SHISA6: variants seen among roughly 807,000 people sequenced by gnomAD.
SHISA6 encodes protein shisa-6.
In SHISA6, 22 loss-of-function variants were observed where a neutral mutation model predicts 47.9. The ratio of observed to expected loss-of-function variants is 0.46; its 90% CI spans 0.33 to 0.66. SHISA6 has a LOEUF of 0.66. Among genes scored for constraint, SHISA6 ranks in the 30% least tolerant of loss-of-function variants. The pLI is 0.02. For missense variants in SHISA6, 680 were observed against 764.6 expected (o/e 0.89, Z 1.30); for synonymous variants, 388 against 337.8 (o/e 1.15, Z -1.63).
chr17:11,541,507 A>C (rs116582096), intron 3 of SHISA6, among the ~76,000 whole-genome samples: 6 of 152,210 alleles, frequency 3.9e-5, no homozygotes, highest in African/African-American at 1.4e-4. Flanking sequence ...AAAATGTGTC[A>C]GTCTGGTACA....
At chr17:11,272,744 C>T (rs539230549) in intron 2 of SHISA6, among the ~76,000 whole-genome samples, 1 of 152,130 alleles carries the variant, frequency 6.6e-6, no homozygotes, top group Non-Finnish European at 1.5e-5. Flanking sequence ...GATGTGAACC[C>T]CATATTTGGG....
intron 1 of SHISA6, among the ~76,000 whole-genome samples, chr17:11,244,842 G>A (rs1379026017): frequency 6.6e-6 from 1 of 152,160 alleles, no homozygotes; most frequent in African/African-American, 2.4e-5. Context: ...GAAGATGATA[G>A]GTGGGCAGAC....
chr17:11,330,489 G>GGGGAGAGAGA (rs138793264), intron 2 of SHISA6, among the ~76,000 whole-genome samples: 9 of 147,548 alleles, frequency 6.1e-5, no homozygotes, highest in African/African-American at 2.3e-4. Context: ...GTAATGCTAG[G>GGGGAGAGAGA]GAGAGAGAGA....
At chr17:11,323,669 AAATAATAAT>A (rs60694925) in intron 2 of SHISA6, among the ~76,000 whole-genome samples, 7,541 of 131,982 alleles carry the variant, frequency 0.057, 235 homozygotes, top group Middle Eastern at 0.12. Flanking sequence ...TAAATAAATA[AAATAATAAT>A]AATAATAATA....
At chr17:11,532,267 G>A (rs1399271346) in intron 3 of SHISA6, among the ~76,000 whole-genome samples, 1 of 152,208 alleles carries the variant, frequency 6.6e-6, no homozygotes, top group African/African-American at 2.4e-5. Flanking sequence ...GGCAGATCAA[G>A]CCACGTATAC....
chr17:11,318,837 T>G (rs1910609810), intron 2 of SHISA6, among the ~76,000 whole-genome samples: 5 of 152,104 alleles, frequency 3.3e-5, no homozygotes, highest in Admixed American at 3.3e-4. Context: ...TGACTTTGGA[T>G]TTTTTTTCAT....
intron 2 of SHISA6, among the ~76,000 whole-genome samples, chr17:11,318,839 T>C (rs1221089199): frequency 1.3e-5 from 2 of 152,188 alleles, no homozygotes. Context: ...ACTTTGGATT[T>C]TTTTTCATTC....
At chr17:11,294,572 A>T (rs1040033355) in intron 2 of SHISA6, among the ~76,000 whole-genome samples, 1 of 152,204 alleles carries the variant, frequency 6.6e-6, no homozygotes, top group Admixed American at 6.5e-5. Context: ...TTGTTCCCAA[A>T]TGAGACAATA....
At chr17:11,515,908 G>A (rs1167412899) in intron 3 of SHISA6, among the ~76,000 whole-genome samples, 1 of 152,138 alleles carries the variant, frequency 6.6e-6, no homozygotes, top group African/African-American at 2.4e-5. Context: ...TTCTGCTCTG[G>A]CTGTGAGCTT....
Position 11,255,233 on chromosome 17 carries a change from C to A in SHISA6, c.639-8133C>A, listed in dbSNP as rs192377650. 3.8e-4 allele frequency among the ~76,000 whole-genome samples: 58 copies of A among 152,114 alleles called. 1 individual carries two copies. The East Asian group carries it at 7.7e-3, about 20-fold the overall frequency. On this transcript the variant is annotated intron_variant, in intron 1 of 5. Transcript: ENST00000441885. ...AAATTAAAGTGGTCTTTTTTGTGTA[C>A]CCTGCCCTTCTGATATTTGCATTAG...
intron 2 of SHISA6, among the ~76,000 whole-genome samples, chr17:11,299,224 G>A (rs1177390081): frequency 6.6e-6 from 1 of 152,192 alleles, no homozygotes; most frequent in East Asian, 1.9e-4. Flanking sequence ...ATAAAATAAA[G>A]CAGTTGGATC....
intron 3 of SHISA6, among the ~76,000 whole-genome samples, chr17:11,496,867 T>C (rs981873315): frequency 1.1e-4 from 16 of 152,258 alleles, no homozygotes; most frequent in African/African-American, 3.9e-4. Context: ...TTGAGATTCC[T>C]GCAAACATTT....
At chr17:11,492,127 G>T (rs1018370633) in intron 3 of SHISA6, among the ~76,000 whole-genome samples, 1 of 152,106 alleles carries the variant, frequency 6.6e-6, no homozygotes, top group Admixed American at 6.5e-5. Flanking sequence ...GGTGGAATGC[G>T]GTGGGGGAGG....
chr17:11,294,748 A>G (rs186514626), intron 2 of SHISA6, among the ~76,000 whole-genome samples: 102 of 152,238 alleles, frequency 6.7e-4, no homozygotes, highest in African/African-American at 2.3e-3. Flanking sequence ...ACCCTGCACA[A>G]ATCTCTCTTT....
intron 2 of SHISA6, among the ~76,000 whole-genome samples, chr17:11,328,367 T>G (rs1910983150): frequency 6.6e-6 from 1 of 152,212 alleles, no homozygotes; most frequent in Admixed American, 6.5e-5. Context: ...GCCACAGCTC[T>G]GGGGCTAGCC....
At chr17:11,326,139 C>G (rs546616973) in intron 2 of SHISA6, among the ~76,000 whole-genome samples, 1 of 152,148 alleles carries the variant, frequency 6.6e-6, no homozygotes, top group East Asian at 1.9e-4. Context: ...GGCGTGGTGG[C>G]ATGCACCTGT....
At chr17:11,382,864 G>T (rs1913059907) in intron 3 of SHISA6, among the ~76,000 whole-genome samples, 1 of 150,086 alleles carries the variant, frequency 6.7e-6, no homozygotes, top group Non-Finnish European at 1.5e-5. Flanking sequence ...AGAATGGATG[G>T]TCCTTGTTCT....
chr17:11,435,204 T>C (rs1401282167), intron 3 of SHISA6, among the ~76,000 whole-genome samples: 1 of 151,980 alleles, frequency 6.6e-6, no homozygotes, highest in Admixed American at 6.6e-5. Context: ...AACATTCTTT[T>C]TGCTGAATAA....
chr17:11,252,325 C>T (rs1247725632), intron 1 of SHISA6, among the ~76,000 whole-genome samples: 1 of 152,182 alleles, frequency 6.6e-6, no homozygotes, highest in Non-Finnish European at 1.5e-5. Context: ...TTAGCTTCGG[C>T]ATTAAAGTCT....
Sources: allele counts gnomAD v4.1 joint callset (sites outside exome capture counted in the v4.1 genomes callset), GRCh38; gene constraint gnomAD v4.1.1; transcripts MANE v1.5; gene names NCBI Gene and HGNC (gene_info 2026-07-23, HGNC 2026-07-21).